SLC66A1: variants seen among roughly 807,000 people sequenced by gnomAD.
SLC66A1 encodes lysosomal amino acid transporter 1 homolog.
A neutral mutation model predicts 33.0 loss-of-function variants in SLC66A1; 23 were observed. The ratio of observed to expected loss-of-function variants is 0.70; its 90% CI spans 0.50 to 0.99. The LOEUF (loss-of-function observed/expected upper bound fraction) is 0.99, where lower values mean the gene tolerates loss of function less well. Among genes scored for constraint, SLC66A1 ranks in the 50% least tolerant of loss-of-function variants. The pLI is 0.00. For synonymous variants in SLC66A1, 164 were observed against 175.5 expected (o/e 0.93, Z 0.52); for missense variants, 335 against 383.6 (o/e 0.87, Z 1.06).
chr1:19,316,293 C>T (rs1033167030), intron 1 of SLC66A1, among the ~76,000 whole-genome samples: 4 of 151,996 alleles, frequency 2.6e-5, no homozygotes, highest in Admixed American at 2.0e-4. Context: ...CATGCAACCC[C>T]GGGGATCCCT....
chr1:19,319,564 A>G (rs1569754646), intron 2 of SLC66A1, among the ~76,000 whole-genome samples: 1 of 141,298 alleles, frequency 7.1e-6, no homozygotes, highest in Non-Finnish European at 1.5e-5. Context: ...GGTTGTTTCT[A>G]CTTTGTAGCC....
rs1378740503 is a variant in SLC66A1 at position 19,328,713 on chromosome 1, A to G, written c.*70A>G. On this transcript the variant is annotated 3_prime_UTR_variant, in exon 8 of 8. Coordinates refer to ENST00000375153, the MANE Select transcript of SLC66A1 (RefSeq NM_001040125.2). The surrounding 1 kb of genome is among the most constrained non-coding windows in gnomAD (Gnocchi z 4.7). ...ACACCAGGCAGGAGGAGGTGTGGACAGTGATGGTACGGCGGCCCTGCATCA... is the reference window on the plus strand; with the variant it reads ...ACACCAGGCAGGAGGAGGTGTGGACGGTGATGGTACGGCGGCCCTGCATCA... 2 of 1,538,756 alleles carry G rather than the reference A, an allele frequency of 1.3e-6. No homozygotes were observed. The highest frequency in any genetic ancestry group is 1.8e-6 in the Non-Finnish European group (2 of 1,122,806).
chr1:19,331,915 C>A (rs2093893541), downstream of SLC66A1, among the ~76,000 whole-genome samples: 1 of 152,224 alleles, frequency 6.6e-6, no homozygotes, highest in Non-Finnish European at 1.5e-5. Context: ...GGTGATAGCA[C>A]TTTCAGGCAG....
intron 1 of SLC66A1, chr1:19,313,252 C>T (rs2093786879): frequency 1.0e-6 from 1 of 985,376 alleles, no homozygotes; most frequent in Non-Finnish European, 1.2e-6. Context: ...CAACCCTGGG[C>T]TGTTCGAGCT....
downstream of SLC66A1, among the ~76,000 whole-genome samples, chr1:19,332,661 C>T (rs976269408): frequency 9.9e-5 from 15 of 152,204 alleles, no homozygotes; most frequent in African/African-American, 3.4e-4. Context: ...TTCTGCCATA[C>T]TGATGGGGCC....
chr1:19,320,704 C>A lies in SLC66A1; in HGVS notation c.164+2863C>A, dbSNP rs142030812. Among the ~76,000 whole-genome samples, 464 of 150,054 alleles carry A rather than the reference C, an allele frequency of 3.1e-3. 16 individuals are homozygous for A. Among genetic ancestry groups the A allele is most frequent in the African/African-American group, 8.0e-3 (319 of 39,802 alleles). ...TGCTGGGATTACAGGCGTGAGCCAC[C>A]GCACCTGGCCTCACTTCTTTTTTTT... On this transcript the variant is annotated intron_variant, in intron 2 of 7. Transcript: ENST00000375153.
chr1:19,313,344 T>G, intron 1 of SLC66A1: 1 of 691,054 alleles, frequency 1.4e-6, no homozygotes. Context: ...GTTTCCTCTC[T>G]TCTTCACTCT....
At chr1:19,320,701 C>T (rs1034887830) in intron 2 of SLC66A1, among the ~76,000 whole-genome samples, 46 of 150,406 alleles carry the variant, frequency 3.1e-4, no homozygotes, top group South Asian at 6.2e-4. Flanking sequence ...AGGCGTGAGC[C>T]ACCGCACCTG....
chr1:19,320,852 A>G (rs1421625823), intron 2 of SLC66A1, among the ~76,000 whole-genome samples: 1 of 149,628 alleles, frequency 6.7e-6, no homozygotes, highest in African/African-American at 2.6e-5. Flanking sequence ...AGCTGGGACT[A>G]CAGGCGCCTC....
chr1:19,313,138 A>G (rs2093785998), intron 1 of SLC66A1: 2 of 928,248 alleles, frequency 2.2e-6, no homozygotes, highest in African/African-American at 3.6e-5. Context: ...GGTGGTGGGT[A>G]TTGCATTATT....
chr1:19,326,680 C>T, intron 6 of SLC66A1, 57 bp downstream of exon 6: 1 of 1,560,228 alleles, frequency 6.4e-7, no homozygotes, highest in Non-Finnish European at 8.8e-7. Flanking sequence ...GCCTGGCCAC[C>T]CGGGCCCTCT....
At chr1:19,330,369 G>A (rs1404478040), downstream of SLC66A1, among the ~76,000 whole-genome samples, 2 of 152,158 alleles carry the variant, frequency 1.3e-5, no homozygotes, top group African/African-American at 4.8e-5. Flanking sequence ...GAAGGGAAAC[G>A]GTGCCATGGC....
chr1:19,326,843 C>T (rs548663642), intron 6 of SLC66A1, among the ~76,000 whole-genome samples: 8 of 152,316 alleles, frequency 5.3e-5, no homozygotes, highest in Admixed American at 1.3e-4. Context: ...TACAAGAGGC[C>T]CATGTGTGTC....
At chr1:19,319,944 T>G (rs2093825972) in intron 2 of SLC66A1, among the ~76,000 whole-genome samples, 1 of 149,298 alleles carries the variant, frequency 6.7e-6, no homozygotes, top group Non-Finnish European at 1.5e-5. Flanking sequence ...TCCCCCAGGC[T>G]GGAGTGCGGT....
Position 19,327,402 on chromosome 1 carries a change from T to G in SLC66A1, c.794T>G (p.Leu265Arg). The change falls in exon 7 of 8, where the codon CTC becomes CGC. Residue 265 changes from leucine to arginine, a missense_variant. Transcript: ENST00000375153. The part of the protein sequence containing the change: ...WLVGSLGVLL[L>R]DTIISIQFLV... ...GTGGGCAGCCTGGGCGTGCTGCTGC[T>G]CGACACCATCGTATCCTTCAGGGCG... 1 of 1,591,318 alleles carries G rather than the reference T, an allele frequency of 6.3e-7. No individual in the cohort carries two copies. Among genetic ancestry groups the G allele is most frequent in the Non-Finnish European group, 8.6e-7 (1 of 1,168,684 alleles).
At chr1:19,334,119 C>T (rs531475958), downstream of SLC66A1, among the ~76,000 whole-genome samples, 22 of 152,254 alleles carry the variant, frequency 1.4e-4, no homozygotes, top group African/African-American at 5.1e-4. Flanking sequence ...TCAATAATGA[C>T]GACGGTTACT....
At chr1:19,312,993 G>C (rs895186797) in intron 1 of SLC66A1, 104 bp downstream of exon 1, 2 of 155,256 alleles carry the variant, frequency 1.3e-5, no homozygotes, top group Non-Finnish European at 2.8e-5. Flanking sequence ...GAAGGCGCCT[G>C]TGTGCCCGGA....
rs2152018230 is a variant in SLC66A1 at position 19,328,642 on chromosome 1, GACC to G, written c.*1_*3del. 1.2e-6 allele frequency: 2 copies of G among 1,613,680 alleles called. No individual in the cohort carries two copies. The highest frequency in any genetic ancestry group is 3.3e-5 in the Admixed American group (2 of 59,998). Reference sequence around the variant, plus strand: ...GAGCTTGAGCCCCTCCTCCCCAGCTGACCAGAACCAGGCTGAGCGCAGGAGGAC... The same window carrying G: ...GAGCTTGAGCCCCTCCTCCCCAGCTGAGAACCAGGCTGAGCGCAGGAGGAC... On this transcript the variant is annotated stop_retained_variant and 3_prime_UTR_variant, in exon 8 of 8. Coordinates refer to ENST00000375153, the MANE Select transcript of SLC66A1 (RefSeq NM_001040125.2). This position sits in a 1 kb window ranked among gnomAD's most constrained non-coding sequence, Gnocchi z 4.7.
downstream of SLC66A1, among the ~76,000 whole-genome samples, chr1:19,332,695 A>G (rs1158858330): frequency 1.3e-5 from 2 of 152,196 alleles, no homozygotes; most frequent in Non-Finnish European, 2.9e-5. Flanking sequence ...GTGGGCAAAC[A>G]TGTTACCAAG....
Sources: allele counts gnomAD v4.1 joint callset (sites outside exome capture counted in the v4.1 genomes callset), GRCh38; gene constraint gnomAD v4.1.1; non-coding constraint Gnocchi (gnomAD v3.1); transcripts MANE v1.5; gene names NCBI Gene and HGNC (gene_info 2026-07-23, HGNC 2026-07-21).